The following ELMO1 variants were observed in gnomAD, a reference collection of about 807,000 sequenced individuals.
ELMO1 encodes engulfment and cell motility 1, also known as engulfment and cell motility protein 1.
A neutral mutation model predicts 98.9 loss-of-function variants in ELMO1; 26 were observed. That is an observed-to-expected ratio of 0.26 (90% CI 0.19 to 0.36). The LOEUF (loss-of-function observed/expected upper bound fraction) is 0.36, where lower values mean the gene tolerates loss of function less well. Ranked by LOEUF, ELMO1 falls within the 10% of genes least tolerant of loss-of-function variation. The probability of loss-of-function intolerance (pLI) is 1.00; values close to 1 mark genes in which losing one functional copy is unlikely to be tolerated. For synonymous variants in ELMO1, 346 were observed against 346.0 expected (o/e 1.00, Z 0.00); for missense variants, 627 against 935.2 (o/e 0.67, Z 4.30).
chr7:37,392,501 G>C (rs1033495601), intron 1 of ELMO1, among the ~76,000 whole-genome samples: 1 of 152,198 alleles, frequency 6.6e-6, no homozygotes, highest in Admixed American at 6.5e-5. Flanking sequence ...CAGAAGCAGA[G>C]GTGGCCAACC....
At chr7:37,238,138 G>A (rs1794577505) in intron 7 of ELMO1, among the ~76,000 whole-genome samples, 1 of 152,176 alleles carries the variant, frequency 6.6e-6, no homozygotes, top group South Asian at 2.1e-4. Flanking sequence ...GCCAAAGGAT[G>A]TCAGAAGAGA....
At chr7:37,211,352 G>C in intron 13 of ELMO1, 34 bp downstream of exon 13, 3 of 1,613,546 alleles carry the variant, frequency 1.9e-6, no homozygotes, top group Non-Finnish European at 2.5e-6. Context: ...GGGGAGGCTG[G>C]AGGGAGAGCG....
At chr7:37,078,917 C>T (rs1355119257) in intron 15 of ELMO1, among the ~76,000 whole-genome samples, 2 of 150,912 alleles carry the variant, frequency 1.3e-5, no homozygotes, top group African/African-American at 2.4e-5. Context: ...GCCCAAAAAG[C>T]GTACAAAGGT....
At chr7:37,258,291 A>G (rs1355839656) in intron 6 of ELMO1, among the ~76,000 whole-genome samples, 1 of 151,690 alleles carries the variant, frequency 6.6e-6, no homozygotes, top group Non-Finnish European at 1.5e-5. Context: ...CAAAAAAAAA[A>G]CTAGCTGGGT....
chr7:37,323,139 A>G (rs1799610140), intron 2 of ELMO1, among the ~76,000 whole-genome samples: 1 of 152,196 alleles, frequency 6.6e-6, no homozygotes, highest in Non-Finnish European at 1.5e-5. Context: ...ACTTTATAGT[A>G]TATTCCGGGG....
chr7:37,240,546 G>A (rs1306836616), intron 7 of ELMO1, among the ~76,000 whole-genome samples: 1 of 151,104 alleles, frequency 6.6e-6, no homozygotes, highest in Non-Finnish European at 1.5e-5. Context: ...ATTTTTTAAA[G>A]CTTCTTAAGT....
chr7:37,073,875 C>T (rs889348713), intron 15 of ELMO1, among the ~76,000 whole-genome samples: 3 of 151,596 alleles, frequency 2.0e-5, no homozygotes, highest in African/African-American at 7.3e-5. Context: ...AGCCACTCTG[C>T]ACCTGACCAC....
chr7:36,953,390 A>G (rs1788156093), intron 16 of ELMO1, among the ~76,000 whole-genome samples: 1 of 152,176 alleles, frequency 6.6e-6, no homozygotes, highest in African/African-American at 2.4e-5. Flanking sequence ...AATTTTTACA[A>G]CCTGTCAGAC....
rs143138686 is a variant in ELMO1 at position 36,950,469 on chromosome 7, T to G, written c.1438-55452A>C. 1.7e-3 allele frequency among the ~76,000 whole-genome samples: 260 copies of G among 152,352 alleles called. 1 individual carries two copies. Among genetic ancestry groups the G allele is most frequent in the African/African-American group, 5.9e-3 (247 of 41,578 alleles). ...GCCACAGGTTTCTCCTATTTTCTCCTGGGCCCCTGGCCACTCCTATCTTCT... is the reference window on the plus strand; with the variant it reads ...GCCACAGGTTTCTCCTATTTTCTCCGGGGCCCCTGGCCACTCCTATCTTCT... On this transcript the variant is annotated intron_variant, in intron 16 of 21. Coordinates refer to ENST00000310758, the MANE Select transcript of ELMO1 (RefSeq NM_014800.11).
chr7:36,985,109 G>A (rs1791400586), intron 16 of ELMO1: 10 of 985,204 alleles, frequency 1.0e-5, no homozygotes, highest in South Asian at 4.7e-5. Context: ...TCTACCCAAC[G>A]AAATTGAAAA....
chr7:37,132,327 A>G (rs1470573083), intron 14 of ELMO1, among the ~76,000 whole-genome samples: 1 of 152,160 alleles, frequency 6.6e-6, no homozygotes, highest in Non-Finnish European at 1.5e-5. Flanking sequence ...CTAAGCTTAC[A>G]TCTAGTCATC....
chr7:37,019,987 A>G (rs1458612702), intron 15 of ELMO1, among the ~76,000 whole-genome samples: 1 of 152,200 alleles, frequency 6.6e-6, no homozygotes, highest in African/African-American at 2.4e-5. Context: ...GTCAAAGTAG[A>G]TATGTTCCTA....
chr7:37,304,007 CCT>C (rs1269167503), intron 4 of ELMO1, among the ~76,000 whole-genome samples: 2 of 152,122 alleles, frequency 1.3e-5, no homozygotes, highest in African/African-American at 2.4e-5. Flanking sequence ...TTCCGAGCTC[CCT>C]CTCATTTAGG....
At chr7:37,318,314 A>C (rs977834340) in intron 2 of ELMO1, among the ~76,000 whole-genome samples, 1 of 152,190 alleles carries the variant, frequency 6.6e-6, no homozygotes, top group Non-Finnish European at 1.5e-5. Flanking sequence ...TTATCAGAGA[A>C]TCTCCCCAAA....
intron 19 of ELMO1, among the ~76,000 whole-genome samples, chr7:36,876,795 C>A (rs1188855587): frequency 6.6e-6 from 1 of 152,212 alleles, no homozygotes; most frequent in East Asian, 1.9e-4. Flanking sequence ...AGCAGGGAGG[C>A]ATAGACAATG....
chr7:37,431,227 C>T (rs1403074981), intron 1 of ELMO1, among the ~76,000 whole-genome samples: 1 of 152,124 alleles, frequency 6.6e-6, no homozygotes, highest in African/African-American at 2.4e-5. Context: ...GTCCTAGTTA[C>T]TTAGGAGGCT....
chr7:37,191,188 CAAA>C (rs70975003), intron 13 of ELMO1, among the ~76,000 whole-genome samples: 2 of 94,116 alleles, frequency 2.1e-5, no homozygotes, highest in African/African-American at 4.8e-5. Context: ...GACTCTGTCT[CAAA>C]AAAAAAAAAA....
At chr7:37,002,022 C>G (rs1383002212) in intron 16 of ELMO1, 1 of 152,202 alleles carries the variant, frequency 6.6e-6, no homozygotes, top group Non-Finnish European at 1.5e-5. Flanking sequence ...CATGTTAATG[C>G]TGTGTAACAA....
chr7:37,003,587 T>C (rs1358579131), intron 16 of ELMO1, among the ~76,000 whole-genome samples: 3 of 152,216 alleles, frequency 2.0e-5, no homozygotes, highest in Non-Finnish European at 4.4e-5. Context: ...CAGATAATCT[T>C]GACCCATAAG....
Sources: gnomAD v4.1 joint callset for allele counts (sites outside exome capture counted in the v4.1 genomes callset) on GRCh38, gnomAD v4.1.1 for gene constraint, MANE v1.5 for transcripts, NCBI Gene and HGNC (gene_info 2026-07-23, HGNC 2026-07-21) for gene names.